The following TULP3 variants were observed in gnomAD, a reference collection of about 807,000 sequenced individuals.
The protein encoded by TULP3 is TUB like protein 3.
A neutral mutation model predicts 50.7 loss-of-function variants in TULP3; 38 were observed. The ratio of observed to expected loss-of-function variants is 0.75; its 90% confidence interval spans 0.58 to 0.98. The LOEUF is 0.98. Among genes scored for constraint, TULP3 ranks in the 50% least tolerant of loss-of-function variants. The probability of loss-of-function intolerance (pLI) is 0.00; values close to 1 mark genes in which losing one functional copy is unlikely to be tolerated. For synonymous variants in TULP3, 183 were observed against 196.6 expected (o/e 0.93, Z 0.58); for missense variants, 550 against 568.0 (o/e 0.97, Z 0.32).
intron 1 of TULP3, among the ~76,000 whole-genome samples, chr12:2,902,463 G>C (rs1401324200): frequency 6.6e-6 from 1 of 152,166 alleles, no homozygotes; most frequent in Non-Finnish European, 1.5e-5. Flanking sequence ...TGCATCAGTG[G>C]CCAAATTGCA....
chr12:2,936,421 A>G (rs890568442), intron 8 of TULP3, among the ~76,000 whole-genome samples: 9 of 151,656 alleles, frequency 5.9e-5, no homozygotes, highest in African/African-American at 1.9e-4. Context: ...AAAGTTGAAC[A>G]GTTTGTTCAC....
chr12:2,912,969 C>CTTT lies in TULP3; in HGVS notation c.93+3402_93+3404dup, dbSNP rs1555112974. On this transcript the variant is annotated intron_variant, in intron 2 of 10. Transcript: ENST00000448120. ...ATCTTGTTCTTTCCCTTAACACGTT[C>CTTT]TTTTTTTTTTTTTTTCTTCTTTTGA... is the stretch of plus-strand genomic sequence containing the variant. 2.5e-4 allele frequency among the ~76,000 whole-genome samples: 27 copies of CTTT among 106,024 alleles called. No homozygotes were observed. In the South Asian group the frequency reaches 6.5e-3, roughly 26 times the overall value. 69.6% of individuals were successfully genotyped at this position (106,024 alleles called of 152,430 possible).
chr12:2,931,961 C>G (rs538341127), intron 6 of TULP3, among the ~76,000 whole-genome samples: 1 of 152,244 alleles, frequency 6.6e-6, no homozygotes, highest in South Asian at 2.1e-4. Context: ...TTACCTACCC[C>G]ACGTTGCACT....
At chr12:2,893,717 T>G (rs1361865033) in intron 1 of TULP3, among the ~76,000 whole-genome samples, 1 of 39,160 alleles carries the variant, frequency 2.6e-5, no homozygotes, top group African/African-American at 1.9e-4. Context: ...GTTTTCTGTG[T>G]TTTTTTTTTT....
chr12:2,919,077 A>C (rs191469170), intron 2 of TULP3, among the ~76,000 whole-genome samples: 2 of 152,144 alleles, frequency 1.3e-5, no homozygotes, highest in Non-Finnish European at 2.9e-5. Context: ...TTTTTCATAG[A>C]GACGGGGTTT....
chr12:2,940,790 G>A lies in TULP3; in HGVS notation c.*1346G>A, dbSNP rs2098204366. ...CCCCCACCGACAAGTCCCACCTGCT[G>A]GGTGAGGACGAGACTGTTTCCATCT... is the stretch of plus-strand genomic sequence containing the variant. On this transcript the variant is annotated 3_prime_UTR_variant, in exon 11 of 11. Transcript: ENST00000448120. 2 of 1,396,806 alleles carry A rather than the reference G, an allele frequency of 1.4e-6. No individual in the cohort carries two copies. The highest frequency in any genetic ancestry group is 2.9e-5 in the African/African-American group (2 of 69,878). 86.5% of individuals were successfully genotyped at this position (1,396,806 alleles called of 1,614,324 possible). A position where few individuals can be genotyped will look rare whatever the true frequency, so the allele number is the denominator to read the frequency against.
Position 2,918,274 on chromosome 12 carries a change from T to A in TULP3, c.94-2489T>A, listed in dbSNP as rs561207121. Among the ~76,000 whole-genome samples the A allele has an allele frequency of 4.2e-3, 638 of 150,238 alleles. 3 individuals are homozygous for A. The highest frequency in any genetic ancestry group is 0.015 in the African/African-American group (596 of 40,972). On this transcript the variant is annotated intron_variant, in intron 2 of 10. Transcript: ENST00000448120. ...GATTACAGGCGCTTGCCACCACGCCTGGCTAATTTTATTTTTTAATAGAGA... is the reference window on the plus strand; with the variant it reads ...GATTACAGGCGCTTGCCACCACGCCAGGCTAATTTTATTTTTTAATAGAGA...
intron 4 of TULP3, 129 bp from the exon 5 acceptor site, chr12:2,930,119 G>A (rs964292547): frequency 9.3e-6 from 6 of 645,364 alleles, no homozygotes; most frequent in African/African-American, 1.9e-5. Flanking sequence ...TATGTATTTG[G>A]ACAAAATAGT....
chr12:2,907,193 C>A (rs1363979084), intron 1 of TULP3, among the ~76,000 whole-genome samples: 1 of 151,982 alleles, frequency 6.6e-6, no homozygotes, highest in Non-Finnish European at 1.5e-5. Context: ...CAAAAATTGG[C>A]CGGGTACGAT....
intron 2 of TULP3, among the ~76,000 whole-genome samples, chr12:2,916,233 C>T (rs1224758275): frequency 6.6e-6 from 1 of 151,192 alleles, no homozygotes; most frequent in African/African-American, 2.4e-5. Context: ...AATTCCTGAC[C>T]TCAAGAGATC....
At chr12:2,913,654 A>C (rs1334969881) in intron 2 of TULP3, among the ~76,000 whole-genome samples, 2 of 152,138 alleles carry the variant, frequency 1.3e-5, no homozygotes, top group Non-Finnish European at 2.9e-5. Context: ...TCTGTCCCCC[A>C]GGCTGGAGTG....
At chr12:2,931,614 G>T (rs1478547533) in intron 6 of TULP3, among the ~76,000 whole-genome samples, 1 of 152,146 alleles carries the variant, frequency 6.6e-6, no homozygotes, top group Non-Finnish European at 1.5e-5. Flanking sequence ...TTAGGGAATA[G>T]GAGGAATTAG....
At chr12:2,908,092 T>TG (rs2098183415) in intron 1 of TULP3, among the ~76,000 whole-genome samples, 1 of 152,218 alleles carries the variant, frequency 6.6e-6, no homozygotes, top group Non-Finnish European at 1.5e-5. Flanking sequence ...GCATGCAAAT[T>TG]GAAGTTGCTA....
chr12:2,898,240 G>C (rs2098176732), intron 1 of TULP3, among the ~76,000 whole-genome samples: 1 of 152,096 alleles, frequency 6.6e-6, no homozygotes, highest in South Asian at 2.1e-4. Flanking sequence ...GTTGTACTGG[G>C]AACTGTGCTG....
chr12:2,921,486 C>G (rs976114787), intron 3 of TULP3, among the ~76,000 whole-genome samples: 11 of 152,228 alleles, frequency 7.2e-5, no homozygotes, highest in African/African-American at 2.4e-4. Context: ...TTAGAATGAC[C>G]TATTTGAGGA....
At chr12:2,920,572 A>G (rs920617094) in intron 2 of TULP3, among the ~76,000 whole-genome samples, 191 bp from the exon 3 acceptor site, 3 of 152,188 alleles carry the variant, frequency 2.0e-5, no homozygotes, top group Non-Finnish European at 4.4e-5. Flanking sequence ...TAGGTGTTCA[A>G]AAGTATTTGT....
chr12:2,900,408 A>G (rs1029861716), intron 1 of TULP3, among the ~76,000 whole-genome samples: 3 of 152,176 alleles, frequency 2.0e-5, no homozygotes, highest in African/African-American at 4.8e-5. Context: ...TATCAATAAC[A>G]GATTATTAGT....
rs1232267737 is a variant in TULP3 at position 2,893,125 on chromosome 12, A to G, written c.41+2137A>G. 2.0e-5 allele frequency among the ~76,000 whole-genome samples: 3 copies of G among 151,396 alleles called. No individual in the cohort carries two copies. In the East Asian group the frequency reaches 5.8e-4, roughly 29 times the overall value. On this transcript the variant is annotated intron_variant, in intron 1 of 10. Coordinates refer to ENST00000448120, the MANE Select transcript of TULP3 (RefSeq NM_003324.5). ...TGATCTGCCTGCCTCAGCCTCCAAA[A>G]CTTCTGGGATTACAGGCCTGAGCCA... is the stretch of plus-strand genomic sequence containing the variant.
At chr12:2,919,292 C>T (rs908256843) in intron 2 of TULP3, among the ~76,000 whole-genome samples, 26 of 152,168 alleles carry the variant, frequency 1.7e-4, no homozygotes, top group Non-Finnish European at 3.7e-4. Flanking sequence ...CATGGTAATT[C>T]ATGAAATCTC....
Sources: gnomAD v4.1 joint callset for allele counts (sites outside exome capture counted in the v4.1 genomes callset) on GRCh38, gnomAD v4.1.1 for gene constraint, MANE v1.5 for transcripts, NCBI Gene and HGNC (gene_info 2026-07-23, HGNC 2026-07-21) for gene names.